The following CNBD1 variants were observed in gnomAD, a reference collection of about 807,000 sequenced individuals.
CNBD1 encodes the protein cyclic nucleotide binding domain containing 1, also known as cyclic nucleotide-binding domain-containing protein 1.
In CNBD1, 71 loss-of-function variants were observed where a neutral mutation model predicts 54.4. The observed-to-expected ratio is 1.30, with a 90% CI of 1.08 to 1.59. CNBD1 has a LOEUF of 1.59. Among genes scored for constraint, CNBD1 ranks in the 40% most tolerant of loss-of-function variants. The pLI is 0.00. For synonymous variants in CNBD1, 182 were observed against 170.7 expected, an observed-to-expected ratio of 1.07 and a Z score of -0.51; for missense variants, 659 against 518.0, an observed-to-expected ratio of 1.27 and a Z score of -2.64.
intron 6 of CNBD1, among the ~76,000 whole-genome samples, chr8:87,278,372 C>G (rs556725999): frequency 6.6e-6 from 1 of 151,374 alleles, no homozygotes; most frequent in Non-Finnish European, 1.5e-5. Flanking sequence ...ACAACCACAA[C>G]TAGACACATT....
At chr8:86,894,659 C>A (rs1808824183) in intron 2 of CNBD1, among the ~76,000 whole-genome samples, 1 of 152,068 alleles carries the variant, frequency 6.6e-6, no homozygotes, top group Non-Finnish European at 1.5e-5. Context: ...TTTTACTACT[C>A]TAAAAATCTT....
At chr8:87,109,994 G>A (rs183902158) in intron 4 of CNBD1, among the ~76,000 whole-genome samples, 1 of 152,260 alleles carries the variant, frequency 6.6e-6, no homozygotes, top group East Asian at 1.9e-4. Flanking sequence ...GCTTCTTTCA[G>A]ACATCTGAGA....
At chr8:87,069,744 T>C (rs2130650403) in intron 4 of CNBD1, among the ~76,000 whole-genome samples, 1 of 152,242 alleles carries the variant, frequency 6.6e-6, no homozygotes, top group East Asian at 1.9e-4. Flanking sequence ...TTCTTGTAAA[T>C]TTTTAGTGCT....
At chr8:86,959,289 C>T (rs1300669435) in intron 4 of CNBD1, among the ~76,000 whole-genome samples, 1 of 152,112 alleles carries the variant, frequency 6.6e-6, no homozygotes, top group Non-Finnish European at 1.5e-5. Context: ...ACATTTTTTC[C>T]TTCATTTCAA....
chr8:87,070,847 T>C (rs1433663467), intron 4 of CNBD1, among the ~76,000 whole-genome samples: 1 of 152,070 alleles, frequency 6.6e-6, no homozygotes, highest in East Asian at 1.9e-4. Context: ...GCTGACCTCA[T>C]TACCCAGAGC....
intron 2 of CNBD1, among the ~76,000 whole-genome samples, chr8:87,401,871 T>C (rs1280104811): frequency 1.3e-5 from 2 of 152,010 alleles, no homozygotes; most frequent in East Asian, 1.9e-4. Flanking sequence ...CAGGTAGGCC[T>C]GAATGATATA....
chr8:87,407,282 G>T (rs1418139164), intron 2 of CNBD1, among the ~76,000 whole-genome samples: 1 of 151,742 alleles, frequency 6.6e-6, no homozygotes, highest in Non-Finnish European at 1.5e-5. Context: ...TTAATATATG[G>T]CCTCCTTTGT....
intron 4 of CNBD1, among the ~76,000 whole-genome samples, chr8:87,008,197 G>A (rs1809142424): frequency 6.6e-6 from 1 of 152,070 alleles, no homozygotes; most frequent in South Asian, 2.1e-4. Context: ...TATAATGGGT[G>A]GCTATTAAGT....
chr8:87,172,835 A>G lies in CNBD1; in HGVS notation c.432-33158A>G, dbSNP rs934244782. Among the ~76,000 whole-genome samples, 10 of 151,920 alleles carry G rather than the reference A, an allele frequency of 6.6e-5. No individual in the cohort carries two copies. The South Asian group carries it at 1.9e-3, about 28-fold the overall frequency. ...TTTTTACTGTCCATTCAGACATTCT[A>G]TGTATTTTTATTAGCGTATATAGTT... On this transcript the variant is annotated intron_variant, in intron 4 of 10. Transcript: ENST00000518476.
At chr8:87,008,454 G>A (rs1809147801) in intron 4 of CNBD1, among the ~76,000 whole-genome samples, 1 of 152,056 alleles carries the variant, frequency 6.6e-6, no homozygotes, top group African/African-American at 2.4e-5. Flanking sequence ...TTTTGGCCGG[G>A]GTGGGTCTTA....
chr8:87,121,897 T>TAC (rs1811898300), intron 4 of CNBD1, among the ~76,000 whole-genome samples: 1 of 151,472 alleles, frequency 6.6e-6, no homozygotes, highest in African/African-American at 2.4e-5. Flanking sequence ...TATATATATA[T>TAC]ACACACACAT....
intron 4 of CNBD1, among the ~76,000 whole-genome samples, chr8:87,092,089 A>G (rs1811216883): frequency 1.3e-5 from 2 of 152,158 alleles, no homozygotes; most frequent in South Asian, 4.1e-4. Flanking sequence ...GAAAATTTAA[A>G]TATGGAGGAG....
chr8:87,351,034 T>C (rs1191616417), intron 8 of CNBD1, among the ~76,000 whole-genome samples: 1 of 152,186 alleles, frequency 6.6e-6, no homozygotes, highest in Non-Finnish European at 1.5e-5. Flanking sequence ...CCAGGCAACA[T>C]GCTAAATACT....
intron 4 of CNBD1, among the ~76,000 whole-genome samples, chr8:86,953,725 G>A (rs774039120): frequency 6.6e-6 from 1 of 152,072 alleles, no homozygotes; most frequent in Non-Finnish European, 1.5e-5. Flanking sequence ...AAATTAGCCA[G>A]GCATGATGGT....
At chr8:87,254,518 G>C (rs1242608895) in intron 6 of CNBD1, among the ~76,000 whole-genome samples, 1 of 152,112 alleles carries the variant, frequency 6.6e-6, no homozygotes, top group Non-Finnish European at 1.5e-5. Flanking sequence ...TCCCTCTCTG[G>C]GTTTTGGTTT....
chr8:87,121,478 A>G (rs1034368157), intron 4 of CNBD1, among the ~76,000 whole-genome samples: 1 of 151,876 alleles, frequency 6.6e-6, no homozygotes, highest in Admixed American at 6.6e-5. Flanking sequence ...AATTCAAGCC[A>G]ATTGACATAT....
chr8:87,156,090 G>A (rs1812728219), intron 4 of CNBD1, among the ~76,000 whole-genome samples: 1 of 151,672 alleles, frequency 6.6e-6, no homozygotes, highest in Admixed American at 6.6e-5. Flanking sequence ...AGTGGTTGAA[G>A]AGAAAATAAC....
chr8:87,364,048 T>C (rs1008770784), intron 10 of CNBD1, among the ~76,000 whole-genome samples: 18 of 151,828 alleles, frequency 1.2e-4, no homozygotes, highest in African/African-American at 4.4e-4. Context: ...TGTTGTTTTC[T>C]AAGGTGTTTC....
chr8:86,948,427 C>A (rs572710994), intron 4 of CNBD1, among the ~76,000 whole-genome samples: 5 of 152,120 alleles, frequency 3.3e-5, no homozygotes, highest in African/African-American at 1.2e-4. Context: ...TTTGTTATTG[C>A]CTATCTTTTG....
Sources: gnomAD v4.1 joint callset for allele counts (sites outside exome capture counted in the v4.1 genomes callset) on GRCh38, gnomAD v4.1.1 for gene constraint, MANE v1.5 for transcripts, NCBI Gene and HGNC (gene_info 2026-07-23, HGNC 2026-07-21) for gene names.